Variants in PRSS12 observed in about 807,000 individuals in gnomAD.
PRSS12 encodes the protein serine protease 12.
PRSS12 carries 85 observed loss-of-function variants against 104.4 expected under a neutral mutation model. The observed-to-expected ratio is 0.81, with a 90% confidence interval of 0.68 to 0.98. The LOEUF (loss-of-function observed/expected upper bound fraction) is 0.98. Ranked by LOEUF, PRSS12 falls within the 50% of genes least tolerant of loss-of-function variation. PRSS12 has a pLI of 0.00. For missense variants in PRSS12, 1,141 were observed against 1,139.2 expected (o/e 1.00, Z -0.02); for synonymous variants, 454 against 425.2 (o/e 1.07, Z -0.83).
Position 118,309,556 on chromosome 4 carries a change from C to T in PRSS12, c.1490-979G>A, listed in dbSNP as rs1743651919. On this transcript the variant is annotated intron_variant, in intron 7 of 12. Coordinates refer to ENST00000296498, the MANE Select transcript of PRSS12 (RefSeq NM_003619.4). ...CTGACATTTGATTGTGGACTCCAAC[C>T]CCCAAAACTGTGAAACAATAAACAT... is the stretch of plus-strand genomic sequence containing the variant. Among the ~76,000 whole-genome samples the T allele has an allele frequency of 2.6e-5, 4 of 152,172 alleles. No homozygotes were observed. In the South Asian group the frequency reaches 8.3e-4, roughly 32 times the overall value.
chr4:118,283,210 A>T (rs2126025335), intron 11 of PRSS12, 99 bp from the exon 12 acceptor site: 2 of 1,431,620 alleles, frequency 1.4e-6, no homozygotes, highest in East Asian at 2.3e-5. Context: ...CTTCCAAATC[A>T]TCAGCCCCTT....
intron 1 of PRSS12, among the ~76,000 whole-genome samples, chr4:118,341,676 C>G (rs1348274241): frequency 6.6e-6 from 1 of 152,018 alleles, no homozygotes; most frequent in Admixed American, 6.6e-5. Flanking sequence ...GAGCAAAACT[C>G]CATCTCAAAA....
At position 118,352,381 on chromosome 4, in the gene PRSS12, C is replaced by T. The variant is rs1458350323; in HGVS notation, c.340G>A (p.Glu114Lys). 26 of 1,551,166 alleles carry T rather than the reference C, an allele frequency of 1.7e-5. No individual in the cohort carries two copies. Among genetic ancestry groups the T allele is most frequent in the Non-Finnish European group, 2.3e-5 (26 of 1,154,002 alleles). Reference sequence around the variant, plus strand: ...GACCGCTCCAGGAAGGGTGGCACCTCCGCCCACCGCAGACACGGGGCGCCG... The same window carrying T: ...GACCGCTCCAGGAAGGGTGGCACCTTCGCCCACCGCAGACACGGGGCGCCG... ...DFGAPCLRWA[E>K]VPPFLERSPP... Residue 114 changes from glutamate to lysine, a missense_variant, in exon 1 of 13, where the codon GAG becomes AAG. Transcript: ENST00000296498.
rs1742834774 is a variant in PRSS12, at chr4:118,281,047, G to T, written c.*889C>A. On this transcript the variant is annotated 3_prime_UTR_variant, in exon 13 of 13. Coordinates refer to ENST00000296498, the MANE Select transcript of PRSS12 (RefSeq NM_003619.4). ...GACTAGTATATTTTAAGATTGGATT[G>T]TATCAGGTTGGGCTTGGGAAAACCT... 6.6e-6 allele frequency: 1 copy of T among 152,270 alleles called. No homozygotes were observed. The highest frequency in any genetic ancestry group is 2.1e-4 in the South Asian group (1 of 4,820). 9.4% of individuals were successfully genotyped at this position (152,270 alleles called of 1,614,324 possible). A position where few individuals can be genotyped will look rare whatever the true frequency, so the allele number is the denominator to read the frequency against.
chr4:118,312,345 T>C (rs1157653306), intron 7 of PRSS12, among the ~76,000 whole-genome samples: 2 of 151,982 alleles, frequency 1.3e-5, no homozygotes, highest in Admixed American at 6.6e-5. Context: ...TATTTTAACA[T>C]CTATTCATAC....
chr4:118,290,462 A>G (rs1250117199), intron 11 of PRSS12, among the ~76,000 whole-genome samples: 2 of 152,174 alleles, frequency 1.3e-5, no homozygotes, highest in Non-Finnish European at 2.9e-5. Context: ...GCAATTTTAT[A>G]CCTTATTCTT....
At chr4:118,284,870 T>G (rs1410595925) in intron 11 of PRSS12, among the ~76,000 whole-genome samples, 1 of 152,224 alleles carries the variant, frequency 6.6e-6, no homozygotes, top group Admixed American at 6.5e-5. Context: ...CTTAAATTTT[T>G]TTTAACCAAA....
Position 118,352,883 on chromosome 4 carries a change from G to C in PRSS12, c.-163C>G. 1 of 1,415,724 alleles carries C rather than the reference G, an allele frequency of 7.1e-7. No homozygotes were observed. The highest frequency in any genetic ancestry group is 9.2e-7 in the Non-Finnish European group (1 of 1,088,114). 87.7% of individuals were successfully genotyped at this position (1,415,724 alleles called of 1,614,324 possible). On this transcript the variant is annotated 5_prime_UTR_variant, in exon 1 of 13. Coordinates refer to ENST00000296498, the MANE Select transcript of PRSS12 (RefSeq NM_003619.4). The stretch of plus-strand genomic sequence containing the variant: ...CGCCTCCCCAACCTTGCCTCCCGCC[G>C]CTGGTGCCCTGCCGCGCCTCGGCTC...
chr4:118,289,666 T>C (rs1743087506), intron 11 of PRSS12, among the ~76,000 whole-genome samples: 1 of 152,178 alleles, frequency 6.6e-6, no homozygotes, highest in African/African-American at 2.4e-5. Context: ...TTCTAATCAC[T>C]AGTAACTAGC....
chr4:118,285,248 G>A (rs1390473478), intron 11 of PRSS12, among the ~76,000 whole-genome samples: 1 of 152,078 alleles, frequency 6.6e-6, no homozygotes, highest in Non-Finnish European at 1.5e-5. Context: ...TAAAGTATAT[G>A]CTCTTATAGC....
At chr4:118,292,272 T>C (rs1743145083) in intron 11 of PRSS12, among the ~76,000 whole-genome samples, 1 of 152,194 alleles carries the variant, frequency 6.6e-6, no homozygotes. Context: ...TCAATTCCAC[T>C]TATTCTTCCC....
Position 118,280,070 on chromosome 4 carries a change from A to G in PRSS12, c.*1866T>C, listed in dbSNP as rs1212161734. On this transcript the variant is annotated 3_prime_UTR_variant, in exon 13 of 13. Coordinates refer to ENST00000296498, the MANE Select transcript of PRSS12 (RefSeq NM_003619.4). The stretch of plus-strand genomic sequence containing the variant: ...TGGAAAATTATGTATTTATTTACAC[A>G]AATATGCACAGAACACTTGTATCTT... 6.6e-6 allele frequency: 1 copy of G among 152,264 alleles called. No homozygotes were observed. The highest frequency in any genetic ancestry group is 1.9e-4 in the East Asian group (1 of 5,208). 9.4% of individuals were successfully genotyped at this position (152,264 alleles called of 1,614,324 possible). A position where few individuals can be genotyped will look rare whatever the true frequency, so the allele number is the denominator to read the frequency against.
At chr4:118,299,803 T>C (rs1241659755) in intron 8 of PRSS12, among the ~76,000 whole-genome samples, 3 of 96,894 alleles carry the variant, frequency 3.1e-5, no homozygotes, top group Non-Finnish European at 7.0e-5. Flanking sequence ...ATAAATAAAA[T>C]AAAATAAATA....
chr4:118,301,120 T>C (rs1012041897), intron 8 of PRSS12, among the ~76,000 whole-genome samples: 1 of 152,168 alleles, frequency 6.6e-6, no homozygotes, highest in Admixed American at 6.6e-5. Context: ...CTGTCTGAAA[T>C]TTATTTCTGT....
At chr4:118,305,514 G>A (rs1560771090) in intron 8 of PRSS12, among the ~76,000 whole-genome samples, 1 of 151,884 alleles carries the variant, frequency 6.6e-6, no homozygotes, top group Non-Finnish European at 1.5e-5. Flanking sequence ...CTTCAGTTTG[G>A]ACATATGCAT....
At chr4:118,323,304 A>G (rs1001231844) in intron 4 of PRSS12, among the ~76,000 whole-genome samples, 6 of 151,786 alleles carry the variant, frequency 4.0e-5, no homozygotes, top group African/African-American at 1.5e-4. Context: ...AAATGCCACC[A>G]AAAAAAATCT....
chr4:118,321,713 A>C (rs1213007727), intron 4 of PRSS12, among the ~76,000 whole-genome samples: 1 of 152,246 alleles, frequency 6.6e-6, no homozygotes, highest in Non-Finnish European at 1.5e-5. Context: ...TTTAGTTTAA[A>C]CAAACACCAA....
At chr4:118,333,049 C>G (rs573563158) in intron 3 of PRSS12, among the ~76,000 whole-genome samples, 1 of 152,194 alleles carries the variant, frequency 6.6e-6, no homozygotes, top group East Asian at 1.9e-4. Context: ...TAGGGAATCA[C>G]TTGTGAAAAA....
At chr4:118,336,167 G>A (rs979970914) in intron 2 of PRSS12, among the ~76,000 whole-genome samples, 3 of 152,038 alleles carry the variant, frequency 2.0e-5, no homozygotes, top group East Asian at 1.9e-4. Context: ...ATAATATCAC[G>A]GGAGGCAATC....
Sources: allele counts gnomAD v4.1 joint callset (sites outside exome capture counted in the v4.1 genomes callset), GRCh38; gene constraint gnomAD v4.1.1; transcripts MANE v1.5; gene names NCBI Gene and HGNC (gene_info 2026-07-23, HGNC 2026-07-21).